The following ERC2 variants were observed in gnomAD, a reference collection of about 807,000 sequenced individuals.
The protein encoded by ERC2 is ERC protein 2.
Under a neutral mutation model 114.8 loss-of-function variants are expected in ERC2, and 42 were observed. The observed-to-expected ratio is 0.37, with a 90% CI of 0.29 to 0.47. The LOEUF (loss-of-function observed/expected upper bound fraction) is 0.47, where lower values mean the gene tolerates loss of function less well. ERC2 is among the 20% of genes least tolerant of loss of function. The pLI is 0.99. For synonymous variants in ERC2, 454 were observed against 425.5 expected, an observed-to-expected ratio of 1.07 and a Z score of -0.82; for missense variants, 939 against 1,150.7, an observed-to-expected ratio of 0.82 and a Z score of 2.66.
At chr3:55,683,302 T>C (rs1449304750) in intron 17 of ERC2, among the ~76,000 whole-genome samples, 2 of 152,192 alleles carry the variant, frequency 1.3e-5, no homozygotes, top group South Asian at 2.1e-4. Flanking sequence ...TAAACGGCCT[T>C]CTTAGAGATG....
At chr3:55,692,889 T>G (rs2062735649) in intron 16 of ERC2, among the ~76,000 whole-genome samples, 3 of 152,212 alleles carry the variant, frequency 2.0e-5, no homozygotes, top group Admixed American at 2.0e-4. Context: ...TGACCAGAGT[T>G]TGAAGAGAAG....
At chr3:55,828,319 A>G (rs2060416945) in intron 14 of ERC2, among the ~76,000 whole-genome samples, 2 of 152,174 alleles carry the variant, frequency 1.3e-5, no homozygotes, top group South Asian at 4.1e-4. Flanking sequence ...ACCACAAAAT[A>G]AAAATTCCTG....
chr3:56,335,870 T>C (rs2057825626), intron 2 of ERC2, among the ~76,000 whole-genome samples: 1 of 152,142 alleles, frequency 6.6e-6, no homozygotes, highest in African/African-American at 2.4e-5. Flanking sequence ...TGTGCGGGAC[T>C]TGGGGAGAAA....
chr3:55,781,596 G>T (rs2069051399), intron 14 of ERC2, among the ~76,000 whole-genome samples: 1 of 152,034 alleles, frequency 6.6e-6, no homozygotes. Flanking sequence ...AGAGAGCCAG[G>T]TGTGGTGGCT....
chr3:55,710,671 T>C (rs561727003), intron 15 of ERC2, among the ~76,000 whole-genome samples: 4 of 152,336 alleles, frequency 2.6e-5, no homozygotes, highest in Admixed American at 2.6e-4. Context: ...CAAAAATAGA[T>C]ACTAAAGTAC....
chr3:56,006,359 CT>C (rs1356029926), intron 10 of ERC2, among the ~76,000 whole-genome samples: 1 of 151,976 alleles, frequency 6.6e-6, no homozygotes, highest in Admixed American at 6.6e-5. Flanking sequence ...CCGGTGTGTG[CT>C]ATGAATTATA....
At chr3:55,773,581 T>C (rs1443293934) in intron 14 of ERC2, among the ~76,000 whole-genome samples, 1 of 152,246 alleles carries the variant, frequency 6.6e-6, no homozygotes, top group African/African-American at 2.4e-5. Context: ...TTATTATTTC[T>C]CCCTTGTTGA....
chr3:56,200,274 C>A (rs2048336255), intron 3 of ERC2, among the ~76,000 whole-genome samples: 1 of 151,896 alleles, frequency 6.6e-6, no homozygotes, highest in African/African-American at 2.4e-5. Flanking sequence ...TTTTCACTCA[C>A]CTCCATCACA....
In ERC2 at chr3:56,080,854, T is replaced by C; in HGVS notation, c.1604A>G (p.Glu535Gly). ...AACATTGATTTTTCTTTCCTTCACT[T>C]CTAACATATCTTTCATGTCACGAAT... ...GEIRDMKDML[E>G]VKERKINVLQ... Residue 535 changes from glutamate (E) to glycine (G), a missense_variant, in exon 7 of 18, where the codon GAA becomes GGA. By Grantham distance (98) the Glu-to-Gly change is moderately conservative (BLOSUM62 -2). Transcript: ENST00000288221. 6.2e-7 allele frequency: 1 copy of C among 1,613,758 alleles called. No homozygotes were observed. Among genetic ancestry groups the C allele is most frequent in the Non-Finnish European group, 8.5e-7 (1 of 1,179,740 alleles).
At chr3:56,172,032 CTTT>C (rs71939591) in intron 4 of ERC2, among the ~76,000 whole-genome samples, 3 of 140,350 alleles carry the variant, frequency 2.1e-5, no homozygotes, top group Non-Finnish European at 3.1e-5. Flanking sequence ...CATTTTTCCT[CTTT>C]TTTTTTTTTT....
intron 15 of ERC2, 42 bp from the exon 16 acceptor site, chr3:55,699,554 G>T: frequency 6.4e-7 from 1 of 1,569,030 alleles, no homozygotes. Flanking sequence ...TCAGGAGCCA[G>T]AAGATCAGTC....
At chr3:55,850,504 T>C (rs2061525319) in intron 14 of ERC2, among the ~76,000 whole-genome samples, 1 of 152,142 alleles carries the variant, frequency 6.6e-6, no homozygotes, top group Non-Finnish European at 1.5e-5. Flanking sequence ...TAAGACCTCA[T>C]GGGTGGTAAA....
chr3:56,192,777 AG>A, intron 3 of ERC2, among the ~76,000 whole-genome samples: 1 of 152,294 alleles, frequency 6.6e-6, no homozygotes, highest in East Asian at 1.9e-4. Context: ...AGCCTGAAGA[AG>A]GTGACCCATT....
chr3:55,671,092 A>G (rs551500015), intron 17 of ERC2, among the ~76,000 whole-genome samples: 1 of 152,322 alleles, frequency 6.6e-6, no homozygotes, highest in South Asian at 2.1e-4. Context: ...AGTGTCATGC[A>G]TATCACCTAT....
intron 2 of ERC2, among the ~76,000 whole-genome samples, chr3:56,310,876 C>T (rs73088520): frequency 0.035 from 5,271 of 151,670 alleles, 199 homozygotes; most frequent in African/African-American, 0.085. Flanking sequence ...AAATGCTTCC[C>T]TAAACTTAAA....
chr3:55,860,115 G>A lies in ERC2; in HGVS notation c.2564+28274C>T, dbSNP rs139392384. ...ACCCTCAGCCCCATACTTAGGCCTC[G>A]GTTCCTGCAGCTGGAAATCTGCCCC... On this transcript the variant is annotated intron_variant, in intron 14 of 17. Transcript: ENST00000288221. 6.4e-3 allele frequency among the ~76,000 whole-genome samples: 968 copies of A among 152,126 alleles called. 10 individuals carry two copies. The highest frequency in any genetic ancestry group is 0.022 in the African/African-American group (902 of 41,500).
chr3:56,111,044 CT>C (rs2078931571), intron 6 of ERC2, among the ~76,000 whole-genome samples: 3 of 152,062 alleles, frequency 2.0e-5, no homozygotes, highest in Non-Finnish European at 2.9e-5. Context: ...CTCAAGGACT[CT>C]AAGTCTCTCT....
At chr3:56,214,997 A>G (rs2049353496) in intron 3 of ERC2, among the ~76,000 whole-genome samples, 2 of 152,224 alleles carry the variant, frequency 1.3e-5, no homozygotes, top group Non-Finnish European at 2.9e-5. Flanking sequence ...AGGAAGCACT[A>G]AACATGGAAA....
At chr3:55,713,946 C>A (rs1003011013) in intron 15 of ERC2, among the ~76,000 whole-genome samples, 1 of 152,180 alleles carries the variant, frequency 6.6e-6, no homozygotes, top group Non-Finnish European at 1.5e-5. Flanking sequence ...TTTCTATCAA[C>A]CTTATCAAAA....
Sources: gnomAD v4.1 joint callset for allele counts (sites outside exome capture counted in the v4.1 genomes callset) on GRCh38, gnomAD v4.1.1 for gene constraint, MANE v1.5 for transcripts, NCBI Gene and HGNC (gene_info 2026-07-23, HGNC 2026-07-21) for gene names.